Variants in KSR2 observed in about 807,000 individuals in gnomAD.
The protein encoded by KSR2 is kinase suppressor of ras 2.
Under a neutral mutation model 107.8 loss-of-function variants are expected in KSR2, and 25 were observed. The ratio of observed to expected loss-of-function variants is 0.23; its 90% CI spans 0.17 to 0.32. KSR2 has a LOEUF of 0.32. Among genes scored for constraint, KSR2 ranks in the 10% least tolerant of loss-of-function variants. KSR2 has a pLI of 1.00. For missense variants in KSR2, 887 were observed against 1,268.9 expected, an observed-to-expected ratio of 0.70 and a Z score of 4.57; for synonymous variants, 480 against 507.0, an observed-to-expected ratio of 0.95 and a Z score of 0.71.
At chr12:117,744,043 C>T (rs530760708) in intron 4 of KSR2, among the ~76,000 whole-genome samples, 18 of 152,184 alleles carry the variant, frequency 1.2e-4, no homozygotes, top group Non-Finnish European at 2.4e-4. Flanking sequence ...GCTCTGCATG[C>T]CCTCTCTTCC....
At chr12:117,717,778 A>C (rs1419729485) in intron 4 of KSR2, among the ~76,000 whole-genome samples, 1 of 151,942 alleles carries the variant, frequency 6.6e-6, no homozygotes, top group Non-Finnish European at 1.5e-5. Context: ...CTGGACACAA[A>C]GATGGTTTCA....
Position 117,530,948 on chromosome 12 carries a change from T to A in KSR2, c.1795A>T (p.Asn599Tyr). 6.2e-7 allele frequency: 1 copy of A among 1,613,696 alleles called. No individual in the cohort carries two copies. Among genetic ancestry groups the A allele is most frequent in the Non-Finnish European group, 8.5e-7 (1 of 1,179,714 alleles). The change falls in exon 12 of 20, where the codon AAT becomes TAT. Residue 599 changes from asparagine (N) to tyrosine (Y), a missense_variant. Transcript: ENST00000339824. ...PQVILHPVTS[N>Y]PILEGNPLLQ... ...TGTCTCTGTCTCACTTACATTGGAT[T>A]CGAGGTCACCGGATGCAGGATGACC...
chr12:117,722,181 C>T (rs12426343), intron 4 of KSR2, among the ~76,000 whole-genome samples: 15,737 of 152,048 alleles, frequency 0.1, 852 homozygotes, highest in Middle Eastern at 0.19. Flanking sequence ...AATTTTAATT[C>T]TTTTAAATTT....
chr12:117,697,535 G>A (rs1456446692), intron 4 of KSR2, among the ~76,000 whole-genome samples: 1 of 152,170 alleles, frequency 6.6e-6, no homozygotes, highest in Non-Finnish European at 1.5e-5. Context: ...AAAGTCAGGA[G>A]TTCAAGACCA....
intron 5 of KSR2, among the ~76,000 whole-genome samples, chr12:117,644,406 G>T (rs559195180): frequency 1.3e-5 from 2 of 152,296 alleles, no homozygotes; most frequent in South Asian, 4.1e-4. Context: ...CACCTGTCTA[G>T]GACAGCTGCT....
Position 117,766,382 on chromosome 12 carries a change from G to A in KSR2, c.473-4858C>T, listed in dbSNP as rs551267114. ...AAAGAGAGCAGATTCGTGGTTGCCA[G>A]GAGCTGGGGCTGGCAGGGAATGGGG... On this transcript the variant is annotated intron_variant, in intron 3 of 19. Coordinates refer to ENST00000339824, the MANE Select transcript of KSR2 (RefSeq NM_173598.6). Among the ~76,000 whole-genome samples the A allele has an allele frequency of 2.6e-5, 4 of 152,336 alleles. No individual in the cohort carries two copies. The South Asian group carries it at 8.3e-4, about 32-fold the overall frequency.
At chr12:117,854,148 G>A (rs931316744) in intron 3 of KSR2, among the ~76,000 whole-genome samples, 3 of 152,136 alleles carry the variant, frequency 2.0e-5, no homozygotes, top group African/African-American at 7.2e-5. Context: ...GGGACTACAG[G>A]CGTGTGCCAC....
chr12:117,846,224 A>G (rs893766824), intron 3 of KSR2, among the ~76,000 whole-genome samples: 16 of 152,048 alleles, frequency 1.1e-4, no homozygotes, highest in African/African-American at 3.9e-4. Flanking sequence ...CAGCCCATCA[A>G]AGCCAGCCAC....
At chr12:117,808,537 G>A (rs1292120086) in intron 3 of KSR2, among the ~76,000 whole-genome samples, 1 of 152,170 alleles carries the variant, frequency 6.6e-6, no homozygotes. Flanking sequence ...ATTTTCCTTT[G>A]GAAAAGGTTT....
At chr12:117,750,613 G>A (rs970125810) in intron 4 of KSR2, among the ~76,000 whole-genome samples, 2 of 152,156 alleles carry the variant, frequency 1.3e-5, no homozygotes, top group Admixed American at 6.5e-5. Flanking sequence ...CAGTTAATGA[G>A]CATGGTACCC....
In KSR2 at chr12:117,527,948, CAAGT is replaced by C. The variant is rs1018349520; in HGVS notation, c.1803-833_1803-830del. Among the ~76,000 whole-genome samples the C allele has an allele frequency of 3.3e-5, 4 of 122,754 alleles. No individual in the cohort carries two copies. In the East Asian group the frequency reaches 7.8e-4, roughly 24 times the overall value. The allele number at this position is 122,754 out of a possible 152,430, so 80.5% of individuals were successfully genotyped here. The stretch of plus-strand genomic sequence containing the variant: ...AAAGACCATATTGAGCTGGAAGACA[CAAGT>C]GTGTGTGTGTGTGTGTGTGTGTGTG... On this transcript the variant is annotated intron_variant, in intron 12 of 19. Transcript: ENST00000339824.
chr12:117,633,341 G>A (rs1941284296), intron 5 of KSR2, among the ~76,000 whole-genome samples: 2 of 152,192 alleles, frequency 1.3e-5, no homozygotes, highest in Admixed American at 6.5e-5. Flanking sequence ...TCATGTCTCA[G>A]CTTGAATGTC....
Position 117,579,139 on chromosome 12 carries a change from G to T in KSR2, c.1305C>A (p.Gly435=). The T allele has an allele frequency of 6.2e-7, 1 of 1,613,552 alleles. No homozygotes were observed. Among genetic ancestry groups the T allele is most frequent in the Non-Finnish European group, 8.5e-7 (1 of 1,179,710 alleles). ...CTTACTTGCAGTTTTTACACTTGAG[G>T]CCAAAAAGCATCCCTTTCCCACAGA... ...CTVCGKGMLF[G]LKCKNCKLKC... The change falls in exon 7 of 20, where the codon GGC becomes GGA. Residue 435 remains glycine (G), a synonymous_variant. Coordinates refer to ENST00000339824, the MANE Select transcript of KSR2 (RefSeq NM_173598.6).
chr12:117,735,104 C>G (rs1450962015), intron 4 of KSR2, among the ~76,000 whole-genome samples: 1 of 152,182 alleles, frequency 6.6e-6, no homozygotes, highest in Admixed American at 6.5e-5. Flanking sequence ...AATCAAAGTG[C>G]CAGGCACCCG....
chr12:117,472,631 C>T (rs1179187939), intron 17 of KSR2, among the ~76,000 whole-genome samples: 1 of 152,204 alleles, frequency 6.6e-6, no homozygotes, highest in Non-Finnish European at 1.5e-5. Flanking sequence ...TTCGTAGTTA[C>T]ATCTTCCTTC....
chr12:117,840,595 C>T (rs1004021024), intron 3 of KSR2, among the ~76,000 whole-genome samples: 2 of 152,020 alleles, frequency 1.3e-5, no homozygotes, highest in African/African-American at 4.8e-5. Context: ...AGGGTTTCAC[C>T]ATTTTGGCCA....
chr12:117,690,557 T>C (rs1259634542), intron 4 of KSR2, among the ~76,000 whole-genome samples: 4 of 151,736 alleles, frequency 2.6e-5, no homozygotes, highest in Non-Finnish European at 4.4e-5. Flanking sequence ...AGAGGAAGAC[T>C]CTGTCTCAAA....
chr12:117,541,233 G>A (rs1024219296), intron 9 of KSR2, among the ~76,000 whole-genome samples: 1 of 147,066 alleles, frequency 6.8e-6, no homozygotes, highest in African/African-American at 2.6e-5. Context: ...AGGCATGGGA[G>A]GCAGGGAGGC....
chr12:117,689,868 T>G (rs1415963959), intron 4 of KSR2, among the ~76,000 whole-genome samples: 6 of 145,104 alleles, frequency 4.1e-5, no homozygotes, highest in African/African-American at 7.7e-5. Context: ...GTAAGGGGGG[T>G]GGGGGGAACT....
Sources: gnomAD v4.1 joint callset for allele counts (sites outside exome capture counted in the v4.1 genomes callset) on GRCh38, gnomAD v4.1.1 for gene constraint, MANE v1.5 for transcripts, NCBI Gene and HGNC (gene_info 2026-07-23, HGNC 2026-07-21) for gene names.